CHD6: variants seen among roughly 807,000 people sequenced by gnomAD.
The protein encoded by CHD6 is chromodomain helicase DNA binding protein 6.
CHD6 carries 50 observed loss-of-function variants against 276.9 expected under a neutral mutation model. The ratio of observed to expected loss-of-function variants is 0.18; its 90% CI spans 0.14 to 0.23. The LOEUF is 0.23. Ranked by LOEUF, CHD6 falls within the 10% of genes least tolerant of loss-of-function variation. CHD6 has a pLI of 1.00. For missense variants in CHD6, 2,564 were observed against 3,365.8 expected (o/e 0.76, Z 5.89); for synonymous variants, 1,173 against 1,229.3 (o/e 0.95, Z 0.96).
chr20:41,536,806 C>A (rs2044841601), intron 2 of CHD6, among the ~76,000 whole-genome samples: 1 of 152,162 alleles, frequency 6.6e-6, no homozygotes, highest in Admixed American at 6.5e-5. Context: ...ACCTGACAAT[C>A]ATTGCCTATA....
chr20:41,550,828 T>G (rs1209048814), intron 2 of CHD6, among the ~76,000 whole-genome samples: 1 of 152,150 alleles, frequency 6.6e-6, no homozygotes, highest in Non-Finnish European at 1.5e-5. Flanking sequence ...CCCTTCAAAA[T>G]ACCAAATGCC....
chr20:41,554,377 T>A (rs554007278), intron 1 of CHD6, among the ~76,000 whole-genome samples: 91 of 150,214 alleles, frequency 6.1e-4, no homozygotes, highest in Non-Finnish European at 1.1e-3. Context: ...CACTTTTATT[T>A]TTTATTTATT....
chr20:41,470,608 C>T (rs2043031369), intron 17 of CHD6, among the ~76,000 whole-genome samples: 1 of 152,182 alleles, frequency 6.6e-6, no homozygotes, highest in South Asian at 2.1e-4. Context: ...TCATCTCTTG[C>T]CAGCTCCCCA....
At chr20:41,444,280 G>A (rs1359715281) in intron 25 of CHD6, among the ~76,000 whole-genome samples, 3 of 152,200 alleles carry the variant, frequency 2.0e-5, no homozygotes. Flanking sequence ...GTCCAACAGA[G>A]GAGCCACTAG....
At chr20:41,488,354 G>T in intron 13 of CHD6, 74 bp downstream of exon 13, 1 of 1,327,712 alleles carries the variant, frequency 7.5e-7, no homozygotes, top group South Asian at 1.5e-5. Context: ...GTTACATGCA[G>T]AATGGCTAAA....
intron 12 of CHD6, 113 bp from the exon 13 acceptor site, chr20:41,488,717 C>G (rs948206699): frequency 2.4e-6 from 2 of 848,600 alleles, no homozygotes; most frequent in Non-Finnish European, 3.6e-6. Flanking sequence ...GGTGAGAAGA[C>G]AAGCACTGCT....
chr20:41,564,124 A>T, intron 1 of CHD6: 1 of 773,738 alleles, frequency 1.3e-6, no homozygotes, highest in Non-Finnish European at 2.4e-6. Flanking sequence ...CTGGTACAAA[A>T]GCCAATCATA....
chr20:41,509,744 C>G (rs891233587), intron 5 of CHD6, among the ~76,000 whole-genome samples: 1 of 152,176 alleles, frequency 6.6e-6, no homozygotes, highest in African/African-American at 2.4e-5. Flanking sequence ...CTGCAGAATT[C>G]TAAAAGTTTG....
In CHD6 at chr20:41,566,221, A is replaced by C. The variant is rs1053432850; in HGVS notation, c.-23-14861T>G. Among the ~76,000 whole-genome samples the C allele has an allele frequency of 2.6e-5, 4 of 152,146 alleles. 1 individual carries two copies. Among genetic ancestry groups the C allele is most frequent in the South Asian group, 4.1e-4 (2 of 4,830 alleles). ...GTTGGAGGACCTCTACTCTGGAAAAACATCCGAGCAGAAACTCAACCATGA... is the reference window on the plus strand; with the variant it reads ...GTTGGAGGACCTCTACTCTGGAAAACCATCCGAGCAGAAACTCAACCATGA... On this transcript the variant is annotated intron_variant, in intron 1 of 36. Coordinates refer to ENST00000373233, the MANE Select transcript of CHD6 (RefSeq NM_032221.5).
chr20:41,533,511 G>A lies in CHD6; in HGVS notation c.93C>T (p.Asp31=), dbSNP rs767409154. The stretch of plus-strand genomic sequence containing the variant: ...AGTCAAATGGGGATGGAGATTTGTA[G>A]TCAAAATTGACAGAGGCATCAGACA... ...SPMSDASVNF[D]YKSPSPFDCS... Residue 31 remains aspartate, a synonymous_variant, in exon 3 of 37, where the codon GAC becomes GAT. Transcript: ENST00000373233. 7.4e-6 allele frequency: 12 copies of A among 1,613,388 alleles called. No homozygotes were observed. In the African/African-American group the frequency reaches 1.3e-4, roughly 18 times the overall value.
rs184841127 is a variant in CHD6 at position 41,559,622 on chromosome 20, A to G, written c.-23-8262T>C. On this transcript the variant is annotated intron_variant, in intron 1 of 36. Transcript: ENST00000373233. The stretch of plus-strand genomic sequence containing the variant: ...TAGAATCCTCCTATTATAAAACCCA[A>G]TCCTTAAATATCACTGTTCCCAGGG... Among the ~76,000 whole-genome samples, 3 of 152,166 alleles carry G rather than the reference A, an allele frequency of 2.0e-5. No individual in the cohort carries two copies. The East Asian group carries it at 5.8e-4, about 29-fold the overall frequency.
In CHD6 at chr20:41,489,710, G is replaced by T. The variant is rs929434394; in HGVS notation, c.1680+68C>A. The T allele has an allele frequency of 3.8e-6, 6 of 1,596,438 alleles. No homozygotes were observed. The African/African-American group carries it at 8.1e-5, about 21-fold the overall frequency. On this transcript the variant is annotated intron_variant, in intron 12 of 36. Coordinates refer to ENST00000373233, the MANE Select transcript of CHD6 (RefSeq NM_032221.5). ...GATGCAGGGCACTGGAACTTCTGAAGATAAGTGACAGAAAGGCTGTTCTGA... is the reference window on the plus strand; with the variant it reads ...GATGCAGGGCACTGGAACTTCTGAATATAAGTGACAGAAAGGCTGTTCTGA...
chr20:41,555,348 G>A (rs1480632480), intron 1 of CHD6, among the ~76,000 whole-genome samples: 75 of 144,674 alleles, frequency 5.2e-4, no homozygotes, highest in Admixed American at 8.1e-4. Context: ...CGGGGCGGCC[G>A]GCCGGGCGGG....
rs576569262 is a variant in CHD6, at chr20:41,587,793, C to A, written c.-24+30547G>T. Among the ~76,000 whole-genome samples the A allele has an allele frequency of 7.2e-5, 11 of 151,932 alleles. No homozygotes were observed. The East Asian group carries it at 1.8e-3, about 24-fold the overall frequency. ...CAAGAGCAGTCAATGCCTGAACAGGCCAGCAACTGATGACATTTCTGTAGT... is the reference window on the plus strand; with the variant it reads ...CAAGAGCAGTCAATGCCTGAACAGGACAGCAACTGATGACATTTCTGTAGT... On this transcript the variant is annotated intron_variant, in intron 1 of 36. Coordinates refer to ENST00000373233, the MANE Select transcript of CHD6 (RefSeq NM_032221.5).
chr20:41,545,058 T>C (rs2045013944), intron 2 of CHD6, among the ~76,000 whole-genome samples: 2 of 152,186 alleles, frequency 1.3e-5, no homozygotes, highest in Admixed American at 1.3e-4. Flanking sequence ...TTACAAGGCA[T>C]ATGGCACAGC....
Position 41,447,884 on chromosome 20 carries a change from G to A in CHD6, c.3771C>T (p.Ala1257=). The part of the protein sequence containing the change: ...AAEKAFEGSP[A]RELDVPLPDI... ...ATGTTAAGTTTCATTTGCTTTACCTGGCAGGAGATCCTTCAAATGCTTTCT... is the reference window on the plus strand; with the variant it reads ...ATGTTAAGTTTCATTTGCTTTACCTAGCAGGAGATCCTTCAAATGCTTTCT... Residue 1257 remains alanine (A), a splice_region_variant and synonymous_variant, in exon 24 of 37, where the codon GCC becomes GCT. Coordinates refer to ENST00000373233, the MANE Select transcript of CHD6 (RefSeq NM_032221.5). The A allele has an allele frequency of 6.2e-7, 1 of 1,602,982 alleles. No individual in the cohort carries two copies. Among genetic ancestry groups the A allele is most frequent in the Non-Finnish European group, 8.5e-7 (1 of 1,172,176 alleles).
intron 6 of CHD6, among the ~76,000 whole-genome samples, chr20:41,498,799 ATGTATGTATGTATGTGTGTGTG>A (rs1277746179): frequency 0.011 from 1,055 of 94,780 alleles, 15 homozygotes; most frequent in African/African-American, 0.046. Context: ...GTATGTATGT[ATGTATGTATGTATGTGTGTGTG>A]TGTGTGTGTG....
At chr20:41,409,315 C>G (rs2046775343) in intron 36 of CHD6, among the ~76,000 whole-genome samples, 1 of 152,132 alleles carries the variant, frequency 6.6e-6, no homozygotes, top group Non-Finnish European at 1.5e-5. Context: ...GTAATTATAC[C>G]CTGGGAGCAA....
chr20:41,613,701 T>C (rs2045909755), intron 1 of CHD6, among the ~76,000 whole-genome samples: 1 of 152,220 alleles, frequency 6.6e-6, no homozygotes, highest in African/African-American at 2.4e-5. Flanking sequence ...TAGAATGACC[T>C]AAATTAATGA....
Sources: gnomAD v4.1 joint callset for allele counts (sites outside exome capture counted in the v4.1 genomes callset) on GRCh38, gnomAD v4.1.1 for gene constraint, MANE v1.5 for transcripts, NCBI Gene and HGNC (gene_info 2026-07-23, HGNC 2026-07-21) for gene names.